SLIT2: variants seen among roughly 807,000 people sequenced by gnomAD.
SLIT2 encodes slit guidance ligand 2.
SLIT2 carries 41 observed loss-of-function variants against 185.7 expected under a neutral mutation model. That is an observed-to-expected ratio of 0.22 (90% CI 0.17 to 0.29). The LOEUF (loss-of-function observed/expected upper bound fraction) is 0.29. Ranked by LOEUF, SLIT2 falls within the 10% of genes least tolerant of loss-of-function variation. The pLI, the probability that SLIT2 is intolerant of heterozygous loss-of-function variation, is 1.00. For synonymous variants in SLIT2, 693 were observed against 680.2 expected (o/e 1.02, Z -0.29); for missense variants, 1,571 against 1,909.0 (o/e 0.82, Z 3.30).
chr4:20,321,923 G>A (rs2109167770), intron 4 of SLIT2, among the ~76,000 whole-genome samples: 1 of 152,146 alleles, frequency 6.6e-6, no homozygotes, highest in Non-Finnish European at 1.5e-5. Context: ...CATCATCTGG[G>A]AATTGTTAGA....
intron 4 of SLIT2, among the ~76,000 whole-genome samples, chr4:20,429,509 C>G (rs987369489): frequency 4.6e-5 from 7 of 152,008 alleles, no homozygotes; most frequent in Admixed American, 3.9e-4. Context: ...GATGGAGAAC[C>G]TGGAAGTAAT....
intron 4 of SLIT2, among the ~76,000 whole-genome samples, chr4:20,292,572 G>T (rs907206471): frequency 2.6e-5 from 4 of 152,096 alleles, no homozygotes; most frequent in South Asian, 2.1e-4. Context: ...GGTAGACAGT[G>T]TTTATGGAAA....
At chr4:20,589,851 T>C (rs1205799833) in intron 30 of SLIT2, 114 bp downstream of exon 30, 19 of 653,806 alleles carry the variant, frequency 2.9e-5, no homozygotes, top group Non-Finnish European at 4.9e-5. Context: ...TAAAGGGACC[T>C]ATTCACTAGT....
intron 29 of SLIT2, among the ~76,000 whole-genome samples, chr4:20,587,436 A>T (rs193236307): frequency 1.4e-4 from 22 of 152,190 alleles, no homozygotes; most frequent in African/African-American, 5.3e-4. Flanking sequence ...CTATTTTGCT[A>T]CTCTTGGAGA....
intron 22 of SLIT2, 107 bp downstream of exon 22, chr4:20,546,206 A>G: frequency 1.7e-6 from 1 of 597,244 alleles, no homozygotes. Flanking sequence ...AATCATTCAC[A>G]GTTAGATGCT....
intron 29 of SLIT2, among the ~76,000 whole-genome samples, chr4:20,574,726 G>A (rs1007450242): frequency 2.0e-5 from 3 of 149,622 alleles, no homozygotes; most frequent in Admixed American, 1.4e-4. Flanking sequence ...GGCAGAGGTT[G>A]CAGTGAGCCG....
intron 4 of SLIT2, among the ~76,000 whole-genome samples, chr4:20,373,586 G>A (rs1441411776): frequency 6.6e-6 from 1 of 152,034 alleles, no homozygotes; most frequent in Non-Finnish European, 1.5e-5. Context: ...ATGTGTTGGT[G>A]TTTAATAAAG....
chr4:20,606,123 G>A (rs1379689291), intron 33 of SLIT2, among the ~76,000 whole-genome samples: 1 of 152,142 alleles, frequency 6.6e-6, no homozygotes, highest in Non-Finnish European at 1.5e-5. Context: ...TGCTAGAAAA[G>A]ACAGCAAGAA....
chr4:20,571,045 A>T (rs1725562578), intron 29 of SLIT2, among the ~76,000 whole-genome samples: 2 of 151,866 alleles, frequency 1.3e-5, no homozygotes, highest in African/African-American at 2.4e-5. Flanking sequence ...TTCCTTGGAG[A>T]AGTGTTATGA....
rs1715526331 is a variant in SLIT2 at position 20,472,528 on chromosome 4, A to ATG, written c.467+4706_467+4707insGT. Among the ~76,000 whole-genome samples the ATG allele has an allele frequency of 8.2e-5, 2 of 24,528 alleles. 1 individual carries two copies. The highest frequency in any genetic ancestry group is 5.2e-4 in the African/African-American group (2 of 3,870). The allele number at this position is 24,528 out of a possible 152,430, so 16.1% of individuals were successfully genotyped here. On this transcript the variant is annotated intron_variant, in intron 5 of 36. Transcript: ENST00000504154. ...TATATATAGATAGATATATATCTAT[A>ATG]TATAGATATATCTATATCTATATAT...
chr4:20,304,936 G>A (rs1317469963), intron 4 of SLIT2, among the ~76,000 whole-genome samples: 1 of 152,138 alleles, frequency 6.6e-6, no homozygotes, highest in African/African-American at 2.4e-5. Context: ...ATATATGCAG[G>A]TTAATTACTT....
At chr4:20,442,115 T>C (rs932768741) in intron 4 of SLIT2, among the ~76,000 whole-genome samples, 2 of 151,826 alleles carry the variant, frequency 1.3e-5, no homozygotes, top group African/African-American at 4.8e-5. Flanking sequence ...GAGATCTTGG[T>C]GAGTTTCTGT....
At chr4:20,355,099 A>G (rs1234398166) in intron 4 of SLIT2, among the ~76,000 whole-genome samples, 2 of 152,040 alleles carry the variant, frequency 1.3e-5, no homozygotes, top group African/African-American at 4.8e-5. Flanking sequence ...TGGTAAGGTG[A>G]TTTTATGGGT....
intron 5 of SLIT2, among the ~76,000 whole-genome samples, chr4:20,472,606 ATATCTATATATATC>A (rs1415880222): frequency 2.7e-5 from 3 of 109,214 alleles, no homozygotes; most frequent in African/African-American, 1.0e-4. Context: ...ATCTATAGAT[ATATCTATATATATC>A]GATATATCTA....
Position 20,618,939 on chromosome 4 carries a change from C to A in SLIT2, c.4520C>A (p.Thr1507Asn). The change falls in exon 37 of 37, where the codon ACT becomes AAT. Residue 1507 changes from threonine (T) to asparagine (N), a missense_variant. Thr to Asn is a moderately conservative substitution (Grantham distance 65). Coordinates refer to ENST00000504154, the MANE Select transcript of SLIT2 (RefSeq NM_004787.4). ...CGGCGGAAATACTCTTTCGAATGCA[C>A]TGACGGCTCCTCCTTTGTGGACGAG... ...SKRRKYSFEC[T>N]DGSSFVDEVE... 6.2e-7 allele frequency: 1 copy of A among 1,614,126 alleles called. No homozygotes were observed. Among genetic ancestry groups the A allele is most frequent in the Non-Finnish European group, 8.5e-7 (1 of 1,180,014 alleles).
At chr4:20,368,842 C>A (rs772926025) in intron 4 of SLIT2, among the ~76,000 whole-genome samples, 1 of 152,074 alleles carries the variant, frequency 6.6e-6, no homozygotes, top group Non-Finnish European at 1.5e-5. Context: ...TACAGGATGA[C>A]AGAAATGATA....
chr4:20,536,241 T>C (rs1722269470), intron 18 of SLIT2, among the ~76,000 whole-genome samples: 1 of 152,110 alleles, frequency 6.6e-6, no homozygotes, highest in African/African-American at 2.4e-5. Context: ...GACATTACTG[T>C]ACACTAACAT....
intron 3 of SLIT2, among the ~76,000 whole-genome samples, chr4:20,266,126 A>G (rs557187817): frequency 2.0e-5 from 3 of 151,874 alleles, no homozygotes; most frequent in South Asian, 2.1e-4. Context: ...CATGTTAGCT[A>G]TTAGTTACAC....
intron 33 of SLIT2, among the ~76,000 whole-genome samples, chr4:20,605,478 C>A (rs1728722326): frequency 6.6e-6 from 1 of 151,908 alleles, no homozygotes; most frequent in Admixed American, 6.6e-5. Context: ...GTGGAAAGGC[C>A]CAAAGTTAAG....
Sources: gnomAD v4.1 joint callset for allele counts (sites outside exome capture counted in the v4.1 genomes callset) on GRCh38, gnomAD v4.1.1 for gene constraint, MANE v1.5 for transcripts, NCBI Gene and HGNC (gene_info 2026-07-23, HGNC 2026-07-21) for gene names.